The following PKD2L2 variants were observed in gnomAD, a reference collection of about 807,000 sequenced individuals.
PKD2L2 encodes the protein polycystin 2 like 2, transient receptor potential cation channel.
Under a neutral mutation model 83.9 loss-of-function variants are expected in PKD2L2, and 67 were observed. The observed-to-expected ratio is 0.80, with a 90% CI of 0.66 to 0.98. PKD2L2 has a LOEUF of 0.98. Among genes scored for constraint, PKD2L2 ranks in the 50% least tolerant of loss-of-function variants. The pLI is 0.00. For synonymous variants in PKD2L2, 223 were observed against 237.8 expected (o/e 0.94, Z 0.57); for missense variants, 632 against 717.2 (o/e 0.88, Z 1.36).
intron 9 of PKD2L2, among the ~76,000 whole-genome samples, chr5:137,923,019 T>TC: frequency 6.6e-6 from 1 of 150,694 alleles, no homozygotes; most frequent in East Asian, 1.9e-4. Context: ...TTCTTTTCTT[T>TC]TTTTTTTTTT....
intron 4 of PKD2L2, among the ~76,000 whole-genome samples, chr5:137,894,820 C>CT (rs1446743959): frequency 6.6e-6 from 1 of 152,096 alleles, no homozygotes; most frequent in African/African-American, 2.4e-5. Flanking sequence ...AAAGTGTTTT[C>CT]TTTTTTCTGA....
chr5:137,927,597 G>A (rs932363320), intron 12 of PKD2L2, among the ~76,000 whole-genome samples: 1 of 152,142 alleles, frequency 6.6e-6, no homozygotes, highest in African/African-American at 2.4e-5. Context: ...TATTCTGATG[G>A]TTATACTATA....
In PKD2L2 at chr5:137,907,789, T is replaced by C; in HGVS notation, c.1023T>C (p.Ile341=). ...TCAACACATACTATAATGTACAAAT[T>C]TTTCTCTTACTTGGACAGCTGTTGA... is the stretch of plus-strand genomic sequence containing the variant. The part of the protein sequence containing the change: ...VSFNTYYNVQ[I]FLLLGQLLKS... The change falls in exon 7 of 15, where the codon ATT becomes ATC. Residue 341 remains isoleucine, a synonymous_variant. Coordinates refer to ENST00000508883, the MANE Select transcript of PKD2L2 (RefSeq NM_001300921.2). 6.3e-7 allele frequency: 1 copy of C among 1,587,460 alleles called. No homozygotes were observed. Among genetic ancestry groups the C allele is most frequent in the Non-Finnish European group, 8.6e-7 (1 of 1,165,808 alleles).
intron 8 of PKD2L2, among the ~76,000 whole-genome samples, chr5:137,916,017 T>G (rs966296636): frequency 1.5e-4 from 19 of 127,142 alleles, no homozygotes; most frequent in Non-Finnish European, 2.8e-4. Flanking sequence ...CAATTATGTA[T>G]ACACACATTT....
chr5:137,925,962 G>T, intron 12 of PKD2L2, 33 bp downstream of exon 12: 1 of 1,271,766 alleles, frequency 7.9e-7, no homozygotes, highest in South Asian at 1.3e-5. Context: ...AAACACTAGT[G>T]GTAGCTGTAT....
chr5:137,938,880 G>A (rs1386328971), intron 14 of PKD2L2: 1 of 152,092 alleles, frequency 6.6e-6, no homozygotes, highest in Non-Finnish European at 1.5e-5. Flanking sequence ...TGCAAAACAT[G>A]GGTATAGTCA....
At chr5:137,890,723 T>C in intron 2 of PKD2L2, 141 bp downstream of exon 2, 1 of 497,524 alleles carries the variant, frequency 2.0e-6, no homozygotes, top group Non-Finnish European at 3.6e-6. Flanking sequence ...TTAAACATAA[T>C]CTTAAATTCA....
intron 8 of PKD2L2, among the ~76,000 whole-genome samples, chr5:137,914,946 C>T (rs1188655275): frequency 6.6e-6 from 1 of 152,096 alleles, no homozygotes; most frequent in Non-Finnish European, 1.5e-5. Flanking sequence ...GTATGTTGAA[C>T]CATCCTTGCA....
At position 137,906,244 on chromosome 5, in the gene PKD2L2, C is replaced by T. The variant is rs373908389; in HGVS notation, c.785C>T (p.Thr262Ile). Residue 262 changes from threonine to isoleucine, a missense_variant, in exon 6 of 15, where the codon ACT becomes ATT. Around this residue, in one of 3 missense-constraint regions of PKD2L2, gnomAD observed 399 missense variants for 416.9 expected, o/e 0.96. Transcript: ENST00000508883. The part of the protein sequence containing the change: ...AEFPATGGIL[T>I]SWQFYSVKLL... ...TTCCCTGCAACTGGAGGAATACTTA[C>T]TTCATGGCAGTTTTACTCTGTGAAG... The T allele has an allele frequency of 1.7e-5, 28 of 1,612,058 alleles. No individual in the cohort carries two copies. Among genetic ancestry groups the T allele is most frequent in the Non-Finnish European group, 2.4e-5 (28 of 1,178,822 alleles).
intron 12 of PKD2L2, among the ~76,000 whole-genome samples, chr5:137,934,347 C>A (rs1760129701): frequency 6.6e-6 from 1 of 152,154 alleles, no homozygotes; most frequent in African/African-American, 2.4e-5. Flanking sequence ...GTCTATTTTA[C>A]TTTTATTACT....
chr5:137,923,116 A>C (rs762496185), intron 9 of PKD2L2, among the ~76,000 whole-genome samples: 1 of 151,660 alleles, frequency 6.6e-6, no homozygotes, highest in Non-Finnish European at 1.5e-5. Context: ...CCTGGGTTCA[A>C]GAGATTCTCC....
chr5:137,902,786 G>A (rs1757074103), intron 5 of PKD2L2, among the ~76,000 whole-genome samples: 1 of 152,168 alleles, frequency 6.6e-6, no homozygotes, highest in African/African-American at 2.4e-5. Context: ...ACAAAGGAGG[G>A]CAAAACTGAA....
At position 137,913,487 on chromosome 5, in the gene PKD2L2, G is replaced by A. The variant is rs149888977; in HGVS notation, c.1328+4541G>A. On this transcript the variant is annotated intron_variant, in intron 8 of 14. Coordinates refer to ENST00000508883, the MANE Select transcript of PKD2L2 (RefSeq NM_001300921.2). ...CTGTGAGTCACTGTGCCCAGCCATG[G>A]CTAATTTTTTTTTTTTTTTGGGATG... 1.6e-3 allele frequency among the ~76,000 whole-genome samples: 229 copies of A among 147,346 alleles called. 1 individual carries two copies. The highest frequency in any genetic ancestry group is 5.4e-3 in the African/African-American group (216 of 39,948).
chr5:137,922,845 T>C (rs1759038855), intron 9 of PKD2L2, among the ~76,000 whole-genome samples: 1 of 152,124 alleles, frequency 6.6e-6, no homozygotes, highest in Non-Finnish European at 1.5e-5. Context: ...TATGCATTCT[T>C]TTACATTCTG....
intron 2 of PKD2L2, among the ~76,000 whole-genome samples, chr5:137,891,135 A>T (rs1049163748): frequency 5.3e-5 from 8 of 152,228 alleles, no homozygotes; most frequent in African/African-American, 1.4e-4. Flanking sequence ...TTAATATGCA[A>T]AGAGGAGTAT....
rs759202484 is a variant in PKD2L2, at chr5:137,925,057, C to T, written c.1569C>T (p.Leu523=). ...ATGCCCAGAGTTACAAAAATGTTCT[C>T]GAGAAATTCAGACTGAAGAAAGCTC... ...KMIKQSYKNV[L]EKFRLKKAQK... Residue 523 remains leucine, a synonymous_variant, in exon 11 of 15, where the codon CTC becomes CTT. Coordinates refer to ENST00000508883, the MANE Select transcript of PKD2L2 (RefSeq NM_001300921.2). The T allele has an allele frequency of 6.3e-6, 10 of 1,599,726 alleles. No homozygotes were observed. The highest frequency in any genetic ancestry group is 5.4e-5 in the African/African-American group (4 of 74,596).
chr5:137,890,276 C>T (rs146850511), intron 1 of PKD2L2: 192 of 415,028 alleles, frequency 4.6e-4, no homozygotes, highest in African/African-American at 2.9e-3. Context: ...AGCTAGACTC[C>T]GTCTCAAAAA....
At chr5:137,939,939 C>A in intron 14 of PKD2L2, 1 of 1,362,188 alleles carries the variant, frequency 7.3e-7, no homozygotes, top group South Asian at 2.1e-5. Context: ...AAATTCCAGT[C>A]TTTTGCTAAA....
At chr5:137,896,080 G>A (rs974840801) in intron 4 of PKD2L2, among the ~76,000 whole-genome samples, 6 of 151,348 alleles carry the variant, frequency 4.0e-5, no homozygotes, top group Admixed American at 6.6e-5. Flanking sequence ...GGGAGGCTGA[G>A]ACAGGAAAAT....
Sources: allele counts gnomAD v4.1 joint callset (sites outside exome capture counted in the v4.1 genomes callset), GRCh38; gene constraint gnomAD v4.1.1; regional missense constraint gnomAD v4.1.1; transcripts MANE v1.5; gene names NCBI Gene and HGNC (gene_info 2026-07-23, HGNC 2026-07-21).